Variants in CAPN8 observed in about 807,000 individuals in gnomAD.
The protein encoded by CAPN8 is calpain-8.
A neutral mutation model predicts 80.9 loss-of-function variants in CAPN8; 87 were observed. The ratio of observed to expected loss-of-function variants is 1.07; its 90% CI spans 0.90 to 1.28. The LOEUF is 1.28. CAPN8 is among the 50% of genes most tolerant of loss of function. The pLI is 0.00. For synonymous variants in CAPN8, 299 were observed against 273.8 expected, an observed-to-expected ratio of 1.09 and a Z score of -0.91; for missense variants, 757 against 702.0, an observed-to-expected ratio of 1.08 and a Z score of -0.89.
intron 2 of CAPN8, chr1:223,629,067 A>C: frequency 2.5e-6 from 1 of 398,254 alleles, no homozygotes; most frequent in Non-Finnish European, 4.5e-6. Context: ...TGGAGTGGAA[A>C]AGAAAAGAAG....
chr1:223,650,163 G>A (rs377218522), intron 2 of CAPN8, among the ~76,000 whole-genome samples: 16 of 152,306 alleles, frequency 1.1e-4, no homozygotes, highest in East Asian at 5.8e-4. Context: ...ATTTAGGAGA[G>A]GGGGAAAGAT....
At chr1:223,662,971 A>C (rs1256213775) in intron 1 of CAPN8, among the ~76,000 whole-genome samples, 1 of 152,202 alleles carries the variant, frequency 6.6e-6, no homozygotes, top group African/African-American at 2.4e-5. Context: ...GCCTGCCCAA[A>C]AGCAGCTGTG....
At chr1:223,611,029 C>CT (rs386354632) in intron 11 of CAPN8, among the ~76,000 whole-genome samples, 5 of 152,108 alleles carry the variant, frequency 3.3e-5, no homozygotes, top group African/African-American at 7.2e-5. Context: ...GAAGGCCCCC[C>CT]GGCACTCGTA....
At chr1:223,625,950 A>G in intron 5 of CAPN8, 62 bp from the exon 6 acceptor site, 1 of 1,374,162 alleles carries the variant, frequency 7.3e-7, no homozygotes, top group Non-Finnish European at 1.0e-6. Context: ...CGGCCGTAGA[A>G]TGCTTTCCAA....
At chr1:223,656,866 A>G (rs1264630913) in intron 1 of CAPN8, among the ~76,000 whole-genome samples, 2 of 151,520 alleles carry the variant, frequency 1.3e-5, no homozygotes, top group Non-Finnish European at 2.9e-5. Context: ...TGTATTTTTT[A>G]GTAGAGATGG....
chr1:223,639,485 A>G (rs17483760), intron 2 of CAPN8, among the ~76,000 whole-genome samples: 13,307 of 152,278 alleles, frequency 0.087, 635 homozygotes, highest in South Asian at 0.12. Context: ...GTTTTTACCT[A>G]AGCAAGCCAA....
intron 5 of CAPN8, 118 bp from the exon 6 acceptor site, chr1:223,626,006 T>C (rs1300441550): frequency 4.1e-6 from 3 of 725,224 alleles, no homozygotes; most frequent in Non-Finnish European, 7.2e-6. Context: ...GGACTAGGGG[T>C]GTAGGCATGG....
chr1:223,614,747 C>T (rs1372243321), intron 10 of CAPN8, among the ~76,000 whole-genome samples: 1 of 152,168 alleles, frequency 6.6e-6, no homozygotes, highest in African/African-American at 2.4e-5. Flanking sequence ...CCTCAGCTTT[C>T]AGCACAGCAC....
chr1:223,628,108 A>T lies in CAPN8; in HGVS notation c.461T>A (p.Ile154Asn). 2 of 1,551,188 alleles carry T rather than the reference A, an allele frequency of 1.3e-6. No individual in the cohort carries two copies. The highest frequency in any genetic ancestry group is 1.7e-6 in the Non-Finnish European group (2 of 1,146,818). The change falls in exon 4 of 21, where the codon ATT becomes AAT. Residue 154 changes from isoleucine (I) to asparagine (N), a missense_variant. By Grantham distance (149) the Ile-to-Asn change is moderately radical. Transcript: ENST00000366872. The stretch of plus-strand genomic sequence containing the variant: ...ATTCTTGGTGGGCAGCCTGTCGTCA[A>T]TGACCACCTCCACCCACTCTCCGTA... Reference protein sequence around the residue: ...WQYGEWVEVVIDDRLPTKNGQ... With the variant: ...WQYGEWVEVVNDDRLPTKNGQ...
chr1:223,649,087 G>C (rs899802344), intron 2 of CAPN8, among the ~76,000 whole-genome samples: 1 of 152,234 alleles, frequency 6.6e-6, no homozygotes, highest in African/African-American at 2.4e-5. Flanking sequence ...ATTTAGGAAA[G>C]AAGAAAGTAT....
intron 1 of CAPN8, among the ~76,000 whole-genome samples, chr1:223,663,422 A>T (rs1658703510): frequency 6.6e-6 from 1 of 152,076 alleles, no homozygotes; most frequent in Admixed American, 6.6e-5. Context: ...GTGACAACCC[A>T]GGTTCCCATG....
At chr1:223,645,581 G>A (rs1020013947) in intron 2 of CAPN8, among the ~76,000 whole-genome samples, 4 of 152,178 alleles carry the variant, frequency 2.6e-5, no homozygotes, top group Non-Finnish European at 4.4e-5. Context: ...TCCAGGCATT[G>A]CCCTGTTAAA....
chr1:223,613,142 C>T (rs982983851), intron 10 of CAPN8, among the ~76,000 whole-genome samples: 1 of 152,166 alleles, frequency 6.6e-6, no homozygotes, highest in Non-Finnish European at 1.5e-5. Flanking sequence ...CCCTTTTGAC[C>T]AGAAGACCAT....
At chr1:223,618,429 G>A in intron 9 of CAPN8, 11 of 1,118,832 alleles carry the variant, frequency 9.8e-6, no homozygotes, top group Non-Finnish European at 1.3e-5. Context: ...CATGCCCTGT[G>A]TGTGGCCATC....
At chr1:223,609,836 C>A (rs1295664336) in intron 11 of CAPN8, among the ~76,000 whole-genome samples, 5 of 152,210 alleles carry the variant, frequency 3.3e-5, no homozygotes, top group Non-Finnish European at 7.3e-5. Context: ...TCTGTGAAAA[C>A]TGCTCTGCAA....
At chr1:223,614,588 C>T (rs890764700) in intron 10 of CAPN8, among the ~76,000 whole-genome samples, 3 of 152,196 alleles carry the variant, frequency 2.0e-5, no homozygotes, top group African/African-American at 7.2e-5. Context: ...ATCTCCTCCT[C>T]GATGAAGCTG....
At chr1:223,651,463 C>T (rs936965897) in intron 2 of CAPN8, among the ~76,000 whole-genome samples, 2 of 152,178 alleles carry the variant, frequency 1.3e-5, no homozygotes, top group Non-Finnish European at 2.9e-5. Context: ...GAAAAGCCAG[C>T]TCCTGGGCTC....
At chr1:223,665,086 T>C (rs1190588020) in intron 1 of CAPN8, among the ~76,000 whole-genome samples, 1 of 151,984 alleles carries the variant, frequency 6.6e-6, no homozygotes, top group Non-Finnish European at 1.5e-5. Context: ...AAACCCCATC[T>C]CTACTAAAAA....
chr1:223,623,774 T>A (rs1657474228), intron 6 of CAPN8, among the ~76,000 whole-genome samples: 1 of 152,164 alleles, frequency 6.6e-6, no homozygotes, highest in Non-Finnish European at 1.5e-5. Context: ...GGTGGGCAGA[T>A]CATGAGGTCA....
Sources: allele counts gnomAD v4.1 joint callset (sites outside exome capture counted in the v4.1 genomes callset), GRCh38; gene constraint gnomAD v4.1.1; transcripts MANE v1.5; gene names NCBI Gene and HGNC (gene_info 2026-07-23, HGNC 2026-07-21).